Variants in NAV2 observed in about 807,000 individuals in gnomAD.
The protein encoded by NAV2 is helicase, APC down-regulated 1.
Under a neutral mutation model 223.2 loss-of-function variants are expected in NAV2, and 54 were observed. That is an observed-to-expected ratio of 0.24 (90% CI 0.19 to 0.30). The LOEUF is 0.30. NAV2 is among the 10% of genes least tolerant of loss of function. The pLI is 1.00. For missense variants in NAV2, 2,806 were observed against 3,147.5 expected (o/e 0.89, Z 2.60); for synonymous variants, 1,279 against 1,239.3 (o/e 1.03, Z -0.67).
At chr11:19,467,959 G>C (rs991294651) in intron 1 of NAV2, among the ~76,000 whole-genome samples, 2 of 152,222 alleles carry the variant, frequency 1.3e-5, no homozygotes, top group Non-Finnish European at 2.9e-5. Context: ...CCACATGGGT[G>C]AGAATCAACA....
intron 1 of NAV2, among the ~76,000 whole-genome samples, chr11:19,569,372 G>T (rs946090523): frequency 2.0e-5 from 3 of 152,212 alleles, no homozygotes; most frequent in African/African-American, 7.2e-5. Flanking sequence ...TTTCTCACTG[G>T]AATGTAAACC....
At chr11:19,884,395 T>G (rs754189861) in intron 5 of NAV2, 2 of 1,566,348 alleles carry the variant, frequency 1.3e-6, no homozygotes, top group African/African-American at 2.7e-5. Flanking sequence ...CAAAGCATGG[T>G]TTAATCCCAA....
rs150639712 is a variant in NAV2 at position 19,851,169 on chromosome 11, G to A, written c.438+8246G>A. On this transcript the variant is annotated intron_variant, in intron 3 of 37. Coordinates refer to ENST00000349880, the MANE Select transcript of NAV2 (RefSeq NM_145117.5). Reference sequence around the variant, plus strand: ...TTTTATAGATGAGGAAACAGAGACAGAGAGCAGTTGAGTAACTTGCCCAAG... The same window carrying A: ...TTTTATAGATGAGGAAACAGAGACAAAGAGCAGTTGAGTAACTTGCCCAAG... Among the ~76,000 whole-genome samples, 41 of 152,332 alleles carry A rather than the reference G, an allele frequency of 2.7e-4. No individual in the cohort carries two copies. The East Asian group carries it at 5.6e-3, about 21-fold the overall frequency.
intron 1 of NAV2, among the ~76,000 whole-genome samples, chr11:19,533,270 T>G (rs1333804930): frequency 2.6e-5 from 4 of 152,090 alleles, no homozygotes; most frequent in African/African-American, 2.4e-5. Context: ...GTCCTGGGTA[T>G]TGTGGGCTAT....
chr11:19,737,527 G>T (rs746950973), intron 1 of NAV2, among the ~76,000 whole-genome samples: 1 of 152,180 alleles, frequency 6.6e-6, no homozygotes, highest in Non-Finnish European at 1.5e-5. Flanking sequence ...GTAGAAGGTG[G>T]TATAACCTGG....
chr11:19,627,749 A>G (rs1362420515), intron 1 of NAV2, among the ~76,000 whole-genome samples: 1 of 151,902 alleles, frequency 6.6e-6, no homozygotes, highest in Non-Finnish European at 1.5e-5. Context: ...TCTCCCATCT[A>G]TGCACTGACG....
chr11:19,594,506 T>G (rs2046151396), intron 1 of NAV2, among the ~76,000 whole-genome samples: 1 of 152,032 alleles, frequency 6.6e-6, no homozygotes, highest in East Asian at 1.9e-4. Flanking sequence ...CTGCTGCTGC[T>G]GCTGCTGTCA....
intron 1 of NAV2, among the ~76,000 whole-genome samples, chr11:19,525,486 G>T (rs1160101603): frequency 6.6e-6 from 1 of 152,208 alleles, no homozygotes; most frequent in Non-Finnish European, 1.5e-5. Flanking sequence ...TGTCGTTAGT[G>T]ATGTGGAAAC....
chr11:19,495,616 C>G (rs1341130124), intron 1 of NAV2, among the ~76,000 whole-genome samples: 4 of 152,144 alleles, frequency 2.6e-5, no homozygotes. Context: ...TTGAGCATCT[C>G]CTGTGTTCCA....
chr11:19,853,646 C>T (rs566447961), intron 3 of NAV2, among the ~76,000 whole-genome samples: 1 of 152,228 alleles, frequency 6.6e-6, no homozygotes, highest in East Asian at 1.9e-4. Context: ...TTTCTTAGAA[C>T]TATTATATGT....
At chr11:19,456,837 A>C (rs1035650136) in intron 1 of NAV2, among the ~76,000 whole-genome samples, 3 of 151,892 alleles carry the variant, frequency 2.0e-5, no homozygotes, top group Non-Finnish European at 4.4e-5. Flanking sequence ...CCAGGACTAG[A>C]CTCTCCTGGA....
intron 1 of NAV2, among the ~76,000 whole-genome samples, chr11:19,393,747 T>C (rs1004240476): frequency 6.6e-6 from 1 of 152,146 alleles, no homozygotes; most frequent in Non-Finnish European, 1.5e-5. Context: ...TAATTTGGAT[T>C]TTCTTCTTTT....
intron 1 of NAV2, among the ~76,000 whole-genome samples, chr11:19,432,174 G>T (rs1305898288): frequency 6.7e-6 from 1 of 148,404 alleles, no homozygotes; most frequent in Admixed American, 6.8e-5. Flanking sequence ...CTCCAGCCTG[G>T]GCAACAAGAG....
rs1851596627 is a variant in NAV2, at chr11:19,446,696, CA to C, written c.75+95672del. Among the ~76,000 whole-genome samples the C allele has an allele frequency of 2.0e-5, 3 of 152,188 alleles. No homozygotes were observed. In the South Asian group the frequency reaches 6.2e-4, roughly 32 times the overall value. ...CCTGCCGCCAGAGTCATCATTAATG[CA>C]AACAGCTGAACCGCTGAACTGCTTG... On this transcript the variant is annotated intron_variant, in intron 1 of 37. Coordinates refer to the NAV2 transcript ENST00000360655.
At position 20,092,297 on chromosome 11, in the gene NAV2, T is replaced by G; in HGVS notation, c.5744T>G (p.Ile1915Ser). 1 of 1,614,150 alleles carries G rather than the reference T, an allele frequency of 6.2e-7. No homozygotes were observed. The highest frequency in any genetic ancestry group is 1.1e-5 in the South Asian group (1 of 91,084). Residue 1915 changes from isoleucine (I) to serine (S), a missense_variant, in exon 28 of 38, where the codon ATC becomes AGC. Coordinates refer to ENST00000349880, the MANE Select transcript of NAV2 (RefSeq NM_145117.5). ...GCSRAPSQVS[I>S]SASPRQSMGL... is the part of the protein sequence containing the mutation. ...AGCCGGGCTCCTTCCCAAGTGTCCATCTCTGCCTCCCCGAGGCAGTCCATG... is the reference window on the plus strand; with the variant it reads ...AGCCGGGCTCCTTCCCAAGTGTCCAGCTCTGCCTCCCCGAGGCAGTCCATG...
intron 5 of NAV2, among the ~76,000 whole-genome samples, chr11:19,885,433 C>T (rs545103841): frequency 6.6e-6 from 1 of 152,360 alleles, no homozygotes; most frequent in East Asian, 1.9e-4. Flanking sequence ...TTTTCTCTCA[C>T]ACTGCCCTTG....
At chr11:19,417,905 T>A (rs1012843191) in intron 1 of NAV2, among the ~76,000 whole-genome samples, 1 of 152,002 alleles carries the variant, frequency 6.6e-6, no homozygotes, top group East Asian at 1.9e-4. Flanking sequence ...TCACTTATAG[T>A]GGGAGTCGAA....
At chr11:19,439,688 C>T (rs1453743277) in intron 1 of NAV2, among the ~76,000 whole-genome samples, 1 of 152,214 alleles carries the variant, frequency 6.6e-6, no homozygotes, top group Non-Finnish European at 1.5e-5. Flanking sequence ...TCATACATGA[C>T]ATGATCAAGA....
rs748425239 is a variant in NAV2, at chr11:19,933,390, G to A, written c.1146G>A (p.Glu382=). The change falls in exon 7 of 38, where the codon GAG becomes GAA. Residue 382 remains glutamate, a synonymous_variant. Coordinates refer to ENST00000349880, the MANE Select transcript of NAV2 (RefSeq NM_145117.5). This position sits in a 1 kb window ranked among gnomAD's most constrained non-coding sequence, Gnocchi z 4.3. ...SMLSVKPPGP[E]APRPTPEAMK... ...TCTCGGTCAAGCCTCCTGGGCCTGA[G>A]GCCCCCAGGCCCACACCTGAAGCCA... 4.4e-6 allele frequency: 7 copies of A among 1,579,138 alleles called. No homozygotes were observed. Among genetic ancestry groups the A allele is most frequent in the Non-Finnish European group, 5.2e-6 (6 of 1,162,450 alleles).
Sources: gnomAD v4.1 joint callset for allele counts (sites outside exome capture counted in the v4.1 genomes callset) on GRCh38, gnomAD v4.1.1 for gene constraint, Gnocchi (gnomAD v3.1) non-coding constraint, MANE v1.5 for transcripts, NCBI Gene and HGNC (gene_info 2026-07-23, HGNC 2026-07-21) for gene names.